PCDHA2: variants seen among roughly 807,000 people sequenced by gnomAD.
PCDHA2 encodes protocadherin alpha 2, also known as protocadherin alpha-2.
Under a neutral mutation model 66.0 loss-of-function variants are expected in PCDHA2, and 58 were observed. The observed-to-expected ratio is 0.88, with a 90% CI of 0.71 to 1.09. The LOEUF is 1.09. PCDHA2 is among the 50% of genes least tolerant of loss of function. PCDHA2 has a pLI of 0.00. For synonymous variants in PCDHA2, 634 were observed against 554.0 expected (o/e 1.14, Z -2.03); for missense variants, 1,267 against 1,242.3 (o/e 1.02, Z -0.30).
intron 1 of PCDHA2, among the ~76,000 whole-genome samples, chr5:140,933,146 C>G (rs1554209206): frequency 1.3e-5 from 2 of 151,920 alleles, no homozygotes. Context: ...GATAGCCACT[C>G]ATTTTGTTCC....
At chr5:140,944,617 G>A (rs374007868) in intron 1 of PCDHA2, among the ~76,000 whole-genome samples, 6 of 152,192 alleles carry the variant, frequency 3.9e-5, no homozygotes, top group African/African-American at 1.4e-4. Flanking sequence ...TGCTGTAGAA[G>A]TATAGTGTTG....
rs146495947 is a variant in PCDHA2, at chr5:140,843,027, G to C, written c.2388+45675G>C. 1.7e-3 allele frequency: 2,668 copies of C among 1,595,168 alleles called. 274 individuals carry two copies. Among genetic ancestry groups the C allele is most frequent in the Non-Finnish European group, 2.1e-3 (2,455 of 1,165,422 alleles). ...AACGCGCCGGCACTGCTGGAGCCTC[G>C]GGTGGGTGGCACTGGTGGCGCAGCG... is the stretch of plus-strand genomic sequence containing the variant. On this transcript the variant is annotated intron_variant, in intron 1 of 3. Transcript: ENST00000526136.
chr5:140,972,621 G>T (rs1278363112), intron 1 of PCDHA2, among the ~76,000 whole-genome samples: 1 of 148,458 alleles, frequency 6.7e-6, no homozygotes, highest in South Asian at 2.1e-4. Flanking sequence ...ACTGAATGTT[G>T]TTGGCACTCC....
chr5:140,898,999 A>G (rs2067088188), intron 1 of PCDHA2, among the ~76,000 whole-genome samples: 2 of 151,690 alleles, frequency 1.3e-5, no homozygotes, highest in African/African-American at 4.8e-5. Context: ...TTTGTCTGTT[A>G]TTGGTGTATA....
rs1369206087 is a variant in PCDHA2, at chr5:140,794,945, C to G, written c.-20C>G. 32 of 1,589,506 alleles carry G rather than the reference C, an allele frequency of 2.0e-5. No individual in the cohort carries two copies. The highest frequency in any genetic ancestry group is 2.7e-5 in the Non-Finnish European group (31 of 1,169,450). ...GCAAAACATGCTCTTCTAATTTGAT[C>G]AAAACATTGAGGATTGGTAATGGCG... On this transcript the variant is annotated 5_prime_UTR_variant, in exon 1 of 4. In the 5' UTR this introduces an upstream ATG that the reference lacks. Coordinates refer to ENST00000526136, the MANE Select transcript of PCDHA2 (RefSeq NM_018905.3).
At chr5:140,863,518 C>T (rs1339237201) in intron 1 of PCDHA2, 13 of 402,142 alleles carry the variant, frequency 3.2e-5, no homozygotes, top group Middle Eastern at 7.3e-4. Context: ...AGTGTTCTCC[C>T]ATGGTTCAGA....
chr5:140,836,027 C>A lies in PCDHA2; in HGVS notation c.2388+38675C>A. On this transcript the variant is annotated intron_variant, in intron 1 of 3. Coordinates refer to ENST00000526136, the MANE Select transcript of PCDHA2 (RefSeq NM_018905.3). ...CGGGCGTGCCGCCTCTGGGCAGCAA[C>A]GTGACGCTGCAGGTGTTCGTGCTGG... The A allele has an allele frequency of 1.9e-6, 3 of 1,613,456 alleles. No individual in the cohort carries two copies. The highest frequency in any genetic ancestry group is 1.3e-5 in the African/African-American group (1 of 75,020).
At position 140,835,704 on chromosome 5, in the gene PCDHA2, G is replaced by T. The variant is rs2150242538; in HGVS notation, c.2388+38352G>T. 4 of 1,613,774 alleles carry T rather than the reference G, an allele frequency of 2.5e-6. No homozygotes were observed. The Admixed American group carries it at 6.7e-5, about 27-fold the overall frequency. Reference sequence around the variant, plus strand: ...GCCTTCTCTGTGGGCCACTGCTAGCGTGTCCGTGGAGGTGGCCGACGTGAA... The same window carrying T: ...GCCTTCTCTGTGGGCCACTGCTAGCTTGTCCGTGGAGGTGGCCGACGTGAA... On this transcript the variant is annotated intron_variant, in intron 1 of 3. Coordinates refer to ENST00000526136, the MANE Select transcript of PCDHA2 (RefSeq NM_018905.3).
chr5:140,863,411 T>G, intron 1 of PCDHA2: 4 of 754,032 alleles, frequency 5.3e-6, no homozygotes, highest in African/African-American at 1.8e-5. Context: ...CCCACGCTGG[T>G]GTACCGCAGC....
chr5:140,883,339 C>G (rs142984869), intron 1 of PCDHA2: 2 of 1,614,172 alleles, frequency 1.2e-6, no homozygotes, highest in South Asian at 2.2e-5. Flanking sequence ...CTTTGTCACT[C>G]CCCATCAGAG....
chr5:140,943,476 AAAT>A (rs1167849813), intron 1 of PCDHA2, among the ~76,000 whole-genome samples: 3 of 152,134 alleles, frequency 2.0e-5, no homozygotes, highest in Non-Finnish European at 2.9e-5. Context: ...AGATACAGTA[AAAT>A]AATAAATAGA....
chr5:140,802,287 C>T, intron 1 of PCDHA2: 1 of 1,614,240 alleles, frequency 6.2e-7, no homozygotes, highest in Non-Finnish European at 8.5e-7. Flanking sequence ...AGAAGACTCT[C>T]CACTTAGCAC....
Position 141,011,605 on chromosome 5 carries a change from T to C in PCDHA2, c.*1668T>C, listed in dbSNP as rs971128266. On this transcript the variant is annotated 3_prime_UTR_variant, in exon 4 of 4. Coordinates refer to ENST00000526136, the MANE Select transcript of PCDHA2 (RefSeq NM_018905.3). The stretch of plus-strand genomic sequence containing the variant: ...AAGATACTGGTGATTCAAGGAATTT[T>C]ATTTATGGTCCAGCCAAGAGCCATC... 4 of 153,780 alleles carry C rather than the reference T, an allele frequency of 2.6e-5. No homozygotes were observed. Among genetic ancestry groups the C allele is most frequent in the Non-Finnish European group, 4.4e-5 (3 of 68,032 alleles). 9.5% of individuals were successfully genotyped at this position (153,780 alleles called of 1,614,324 possible). A position where few individuals can be genotyped will look rare whatever the true frequency, so the allele number is the denominator to read the frequency against.
Position 140,883,273 on chromosome 5 carries a change from C to A in PCDHA2, c.2388+85921C>A, listed in dbSNP as rs370482487. Reference sequence around the variant, plus strand: ...ATATTCCAATGGCGGGTCATTGTACCCTTTTGGTGGAAGTACTAGATGTAA... The same window carrying A: ...ATATTCCAATGGCGGGTCATTGTACACTTTTGGTGGAAGTACTAGATGTAA... On this transcript the variant is annotated intron_variant, in intron 1 of 3. Transcript: ENST00000526136. 10 of 1,613,676 alleles carry A rather than the reference C, an allele frequency of 6.2e-6. No homozygotes were observed. The Middle Eastern group carries it at 6.6e-4, about 106-fold the overall frequency.
intron 1 of PCDHA2, among the ~76,000 whole-genome samples, chr5:140,956,772 GT>G (rs2095308990): frequency 6.6e-6 from 1 of 152,202 alleles, no homozygotes; most frequent in African/African-American, 2.4e-5. Context: ...AATCTGTCTG[GT>G]CCTGGGCTTT....
At chr5:140,840,375 A>G (rs1776670697) in intron 1 of PCDHA2, among the ~76,000 whole-genome samples, 1 of 151,962 alleles carries the variant, frequency 6.6e-6, no homozygotes, top group Non-Finnish European at 1.5e-5. Context: ...AGAAAATGAA[A>G]ATAGGGGGTT....
At chr5:140,890,629 A>G (rs6883083) in intron 1 of PCDHA2, among the ~76,000 whole-genome samples, 2 of 152,158 alleles carry the variant, frequency 1.3e-5, no homozygotes, top group Admixed American at 1.3e-4. Context: ...AAAATTAAGC[A>G]TGTATCCTTG....
intron 1 of PCDHA2, chr5:140,883,583 G>T (rs782212784): frequency 2.5e-6 from 4 of 1,613,916 alleles, no homozygotes; most frequent in Non-Finnish European, 3.4e-6. Context: ...GTGGGCCACG[G>T]CCAGCGTGTC....
At chr5:140,826,198 T>C (rs1464039359) in intron 1 of PCDHA2, among the ~76,000 whole-genome samples, 1 of 152,222 alleles carries the variant, frequency 6.6e-6, no homozygotes, top group Non-Finnish European at 1.5e-5. Flanking sequence ...TTAACAATGG[T>C]CACATTTTAA....
Sources: gnomAD v4.1 joint callset for allele counts (sites outside exome capture counted in the v4.1 genomes callset) on GRCh38, gnomAD v4.1.1 for gene constraint, MANE v1.5 for transcripts, NCBI Gene and HGNC (gene_info 2026-07-23, HGNC 2026-07-21) for gene names.